The following ADAM8 variants were observed in gnomAD, a reference collection of about 807,000 sequenced individuals.
ADAM8 encodes the protein ADAM metallopeptidase domain 8.
Under a neutral mutation model 102.4 loss-of-function variants are expected in ADAM8, and 104 were observed. That is an observed-to-expected ratio of 1.02 (90% CI 0.87 to 1.20). The LOEUF (loss-of-function observed/expected upper bound fraction) is 1.20. ADAM8 is among the 50% of genes most tolerant of loss of function. The probability of loss-of-function intolerance (pLI) is 0.00; values close to 1 mark genes in which losing one functional copy is unlikely to be tolerated. For missense variants in ADAM8, 1,132 were observed against 1,159.0 expected (o/e 0.98, Z 0.34); for synonymous variants, 517 against 485.2 (o/e 1.07, Z -0.86).
At chr10:133,271,730 G>C (rs1025095610) in intron 11 of ADAM8, 25 bp from the exon 12 acceptor site, 2 of 1,570,172 alleles carry the variant, frequency 1.3e-6, no homozygotes, top group Admixed American at 3.7e-5. Flanking sequence ...CAGCATTGGG[G>C]GAGGCGGCCT....
intron 2 of ADAM8, chr10:133,274,719 G>T: frequency 3.4e-6 from 1 of 295,764 alleles, no homozygotes; most frequent in South Asian, 2.4e-5. Flanking sequence ...GAGGTGGGTG[G>T]CGGGGATAGC....
At chr10:133,274,088 G>A in intron 3 of ADAM8, 59 bp from the exon 4 acceptor site, 1 of 1,589,068 alleles carries the variant, frequency 6.3e-7, no homozygotes, top group South Asian at 1.1e-5. Context: ...CTGGCCCAGA[G>A]GCTGGACGCC....
rs561386646 is a variant in ADAM8, at chr10:133,275,136, C to T, written c.150+348G>A. ...CTGGGAAACCCCCGCCAGGCCCCCCCCCCAACACAGGAAGGTGTGTCAACT... is the reference window on the plus strand; with the variant it reads ...CTGGGAAACCCCCGCCAGGCCCCCCTCCCAACACAGGAAGGTGTGTCAACT... On this transcript the variant is annotated intron_variant, in intron 2 of 22. Transcript: ENST00000445355. 1.4e-3 allele frequency: 477 copies of T among 349,668 alleles called. 2 individuals carry two copies. The highest frequency in any genetic ancestry group is 9.4e-3 in the African/African-American group (429 of 45,504). 21.7% of individuals were successfully genotyped at this position (349,668 alleles called of 1,614,324 possible). A position where few individuals can be genotyped will look rare whatever the true frequency, so the allele number is the denominator to read the frequency against.
At chr10:133,271,130 G>C in intron 13 of ADAM8, 60 bp from the exon 14 acceptor site, 2 of 1,592,256 alleles carry the variant, frequency 1.3e-6, no homozygotes, top group Non-Finnish European at 1.7e-6. Flanking sequence ...CCTGGTCCCT[G>C]GTGCCCCAGG....
Position 133,276,803 on chromosome 10 carries a change from C to T in ADAM8, c.15G>A (p.Gly5=). The part of the protein sequence containing the change: MRGL[G]LWLLGAMMLP... ...GCATCATCGCGCCCAGCAGCCAGAG[C>T]CCGAGGCCGCGCATGGCCGGGTCGG... is the stretch of plus-strand genomic sequence containing the variant. The change falls in exon 1 of 23, where the codon GGG becomes GGA. Residue 5 remains glycine (G), a synonymous_variant. Transcript: ENST00000445355. The T allele has an allele frequency of 1.3e-6, 2 of 1,530,438 alleles. No individual in the cohort carries two copies. The highest frequency in any genetic ancestry group is 1.8e-6 in the Non-Finnish European group (2 of 1,141,448). The allele number at this position is 1,530,438 out of a possible 1,614,324, so 94.8% of individuals were successfully genotyped here. A position where few individuals can be genotyped will look rare whatever the true frequency, so the allele number is the denominator to read the frequency against.
rs765162641 is a variant in ADAM8 at position 133,272,429 on chromosome 10, C to T, written c.862G>A (p.Val288Ile). 3.2e-5 allele frequency: 51 copies of T among 1,592,116 alleles called. No individual in the cohort carries two copies. Among genetic ancestry groups the T allele is most frequent in the African/African-American group, 5.4e-5 (4 of 73,672 alleles). ...CCGCCAGCTCACGTGATGAGCTGTACGTTGTCATGCAGGTGCCGCCGTGTC... is the reference window on the plus strand; with the variant it reads ...CCGCCAGCTCACGTGATGAGCTGTATGTTGTCATGCAGGTGCCGCCGTGTC... The part of the protein sequence containing the change: ...QRTRRHLHDN[V>I]QLITGVDFTG... Residue 288 changes from valine (V) to isoleucine (I), a missense_variant, in exon 9 of 23, where the codon GTA becomes ATA. Physicochemically the swap from Val to Ile is conservative, Grantham distance 29 (BLOSUM62 3). Transcript: ENST00000445355.
chr10:133,270,018 GC>G, intron 16 of ADAM8, 44 bp from the exon 17 acceptor site: 1 of 1,595,908 alleles, frequency 6.3e-7, no homozygotes, highest in Non-Finnish European at 8.6e-7. Flanking sequence ...CTGGACCTCT[GC>G]CCCGCCAGCG....
At chr10:133,275,460 C>CT in intron 2 of ADAM8, 24 bp downstream of exon 2, 1 of 1,505,598 alleles carries the variant, frequency 6.6e-7, no homozygotes, top group East Asian at 2.5e-5. Flanking sequence ...GCCAGGGACC[C>CT]TCCCCAGGCC....
chr10:133,265,871 G>A (rs1364300823), intron 21 of ADAM8, among the ~76,000 whole-genome samples: 1 of 152,080 alleles, frequency 6.6e-6, no homozygotes, highest in East Asian at 1.9e-4. Flanking sequence ...ATTCACCAAT[G>A]GATGCCAAAA....
chr10:133,267,158 G>A (rs1846349646), intron 21 of ADAM8, among the ~76,000 whole-genome samples, 194 bp downstream of exon 21: 1 of 152,186 alleles, frequency 6.6e-6, no homozygotes, highest in African/African-American at 2.4e-5. Flanking sequence ...GCAGGACTGA[G>A]CTCCTGCCTT....
rs144605644 is a variant in ADAM8 at position 133,270,375 on chromosome 10, C to G, written c.1770G>C (p.Arg590=). Reference sequence around the variant, plus strand: ...AGGGGCTCACCTTCTCTGGTCCACACCGGGTGCCCTCGGGCACTGGTTCAT... The same window carrying G: ...AGGGGCTCACCTTCTCTGGTCCACAGCGGGTGCCCTCGGGCACTGGTTCAT... ...TAYEPVPEGT[R]CGPEKVCWKG... The change falls in exon 16 of 23, where the codon CGG becomes CGC. Residue 590 remains arginine, a synonymous_variant. Transcript: ENST00000445355. 5.9e-4 allele frequency: 936 copies of G among 1,588,454 alleles called. 5 individuals are homozygous for G. The highest frequency in any genetic ancestry group is 4.3e-3 in the South Asian group (384 of 90,156).
At chr10:133,266,694 C>A (rs1055740982) in intron 21 of ADAM8, among the ~76,000 whole-genome samples, 1 of 152,152 alleles carries the variant, frequency 6.6e-6, no homozygotes. Flanking sequence ...AAAGCCTGGC[C>A]CTTTCTGCTG....
intron 11 of ADAM8, 28 bp from the exon 12 acceptor site, chr10:133,271,733 G>A (rs993470711): frequency 1.9e-6 from 3 of 1,575,132 alleles, no homozygotes; most frequent in Admixed American, 1.8e-5. Context: ...CATTGGGGGA[G>A]GCGGCCTGGC....
In ADAM8 at chr10:133,273,778, T is replaced by G; in HGVS notation, c.367A>C (p.Thr123Pro). 6.5e-7 allele frequency: 1 copy of G among 1,548,628 alleles called. No individual in the cohort carries two copies. The highest frequency in any genetic ancestry group is 8.7e-7 in the Non-Finnish European group (1 of 1,146,768). ...CACACCCACCTGAGGCCGGCACAGG[T>G]GCTGAGGCTGGCGGCTGAGTCCGGG... Reference protein sequence around the residue: ...GYPDSAASLSTCAGLRGFFQV... With the variant: ...GYPDSAASLSPCAGLRGFFQV... The change falls in exon 5 of 23, where the codon ACC becomes CCC. Residue 123 changes from threonine (T) to proline (P), a missense_variant. Transcript: ENST00000445355.
chr10:133,268,225 C>G, intron 19 of ADAM8, 107 bp from the exon 20 acceptor site: 1 of 1,052,546 alleles, frequency 9.5e-7, no homozygotes. Context: ...GGCTTCAGGG[C>G]GAGAGGTTGT....
chr10:133,266,535 C>T (rs557221785), intron 21 of ADAM8, among the ~76,000 whole-genome samples: 9 of 152,256 alleles, frequency 5.9e-5, no homozygotes, highest in South Asian at 2.1e-4. Flanking sequence ...GGAGATGCAC[C>T]GTGGGACCTC....
At chr10:133,275,954 C>T (rs1846736202) in intron 1 of ADAM8, 1 of 215,088 alleles carries the variant, frequency 4.6e-6, no homozygotes, top group African/African-American at 2.3e-5. Flanking sequence ...CTGCCCGTTT[C>T]CATTCTCCTC....
At chr10:133,270,306 GGCACAT>G in intron 16 of ADAM8, 48 bp downstream of exon 16, 2 of 1,546,036 alleles carry the variant, frequency 1.3e-6, no homozygotes, top group Non-Finnish European at 1.8e-6. Flanking sequence ...ACCCACGTGG[GGCACAT>G]GCCCGGGATG....
Position 133,268,813 on chromosome 10 carries a change from T to C in ADAM8, c.1998A>G (p.Ala666=), listed in dbSNP as rs774321448. Residue 666 remains alanine (A), a synonymous_variant, in exon 19 of 23, where the codon GCA becomes GCG. Coordinates refer to ENST00000445355, the MANE Select transcript of ADAM8 (RefSeq NM_001109.5). ...VFVVVVLVLL[A]VVLVTLAGII... Reference sequence around the variant, plus strand: ...TGCCTGCCAGGGTGACCAGCACAACTGCCAGGAGCACCAGAACCACCACCA... The same window carrying C: ...TGCCTGCCAGGGTGACCAGCACAACCGCCAGGAGCACCAGAACCACCACCA... The C allele has an allele frequency of 1.9e-6, 3 of 1,610,456 alleles. No individual in the cohort carries two copies. The highest frequency in any genetic ancestry group is 2.5e-6 in the Non-Finnish European group (3 of 1,179,908).
Sources: gnomAD v4.1 joint callset for allele counts (sites outside exome capture counted in the v4.1 genomes callset) on GRCh38, gnomAD v4.1.1 for gene constraint, MANE v1.5 for transcripts, NCBI Gene and HGNC (gene_info 2026-07-23, HGNC 2026-07-21) for gene names.